Variants in PSD3 observed in about 807,000 individuals in gnomAD.
The protein encoded by PSD3 is pleckstrin and Sec7 domain containing 3, also known as PH and SEC7 domain-containing protein 3.
A neutral mutation model predicts 105.5 loss-of-function variants in PSD3; 49 were observed. The observed-to-expected ratio is 0.46, with a 90% confidence interval of 0.37 to 0.59. The LOEUF (loss-of-function observed/expected upper bound fraction) is 0.59. PSD3 is among the 20% of genes least tolerant of loss of function. The probability of loss-of-function intolerance (pLI) is 0.00; values close to 1 mark genes in which losing one functional copy is unlikely to be tolerated. For synonymous variants in PSD3, 557 were observed against 457.8 expected, an observed-to-expected ratio of 1.22 and a Z score of -2.77; for missense variants, 1,561 against 1,263.8, an observed-to-expected ratio of 1.24 and a Z score of -3.57.
At chr8:19,011,464 TAGAA>T (rs1826946072) in intron 1 of PSD3, among the ~76,000 whole-genome samples, 1 of 152,212 alleles carries the variant, frequency 6.6e-6, no homozygotes, top group African/African-American at 2.4e-5. Context: ...ATCAAGGTTT[TAGAA>T]AGAGGGCAGA....
intron 9 of PSD3, among the ~76,000 whole-genome samples, chr8:18,752,891 ATTGCTTTTG>A (rs1805727311): frequency 6.6e-6 from 1 of 151,240 alleles, no homozygotes; most frequent in Non-Finnish European, 1.5e-5. Flanking sequence ...TCAAGGAATA[ATTGCTTTTG>A]ATTGCTTTTA....
chr8:19,019,923 A>G (rs952712328), intron 1 of PSD3, among the ~76,000 whole-genome samples: 3 of 152,154 alleles, frequency 2.0e-5, no homozygotes, highest in Admixed American at 2.0e-4. Flanking sequence ...AGGAGGGAGT[A>G]TAGTAAGTGC....
At chr8:18,975,370 A>G (rs1448436656) in intron 1 of PSD3, among the ~76,000 whole-genome samples, 1 of 145,498 alleles carries the variant, frequency 6.9e-6, no homozygotes, top group African/African-American at 2.6e-5. Flanking sequence ...CAGCTAACTT[A>G]CTACTGATGT....
In PSD3 at chr8:18,640,396, G is replaced by C. The variant is rs931806757; in HGVS notation, c.2217-7590C>G. Among the ~76,000 whole-genome samples the C allele has an allele frequency of 6.6e-5, 10 of 152,254 alleles. No individual in the cohort carries two copies. In the East Asian group the frequency reaches 1.7e-3, roughly 26 times the overall value. On this transcript the variant is annotated intron_variant, in intron 10 of 15. Coordinates refer to ENST00000327040, the MANE Select transcript of PSD3 (RefSeq NM_015310.4). ...CACCCAAATTTCATCTTGAATTGTA[G>C]TTCCTGTAATCCCCATGTGTCATGG...
intron 2 of PSD3, among the ~76,000 whole-genome samples, chr8:18,922,943 C>T (rs1586434887): frequency 2.0e-5 from 3 of 152,190 alleles, no homozygotes; most frequent in Admixed American, 2.0e-4. Context: ...TTTCAGGGAG[C>T]TCTGCAAACC....
At chr8:18,947,387 A>G (rs1395085110) in intron 1 of PSD3, among the ~76,000 whole-genome samples, 2 of 152,212 alleles carry the variant, frequency 1.3e-5, no homozygotes, top group Non-Finnish European at 2.9e-5. Context: ...CACAAGACCA[A>G]TAACTGAATT....
rs569481799 is a variant in PSD3, at chr8:18,738,536, T to C, written c.2172+26913A>G. Among the ~76,000 whole-genome samples the C allele has an allele frequency of 6.6e-5, 10 of 152,312 alleles. No homozygotes were observed. The South Asian group carries it at 2.1e-3, about 32-fold the overall frequency. On this transcript the variant is annotated intron_variant, in intron 9 of 15. Transcript: ENST00000327040. ...AAATAGAATCCACACAGCAGCCATA[T>C]TATAAAAGGGATCTACCATACACAT...
intron 2 of PSD3, among the ~76,000 whole-genome samples, chr8:18,916,333 TATATATATATATATATAC>T (rs1254538137): frequency 6.5e-5 from 3 of 46,314 alleles, no homozygotes; most frequent in Non-Finnish European, 1.2e-4. Flanking sequence ...TATATATATA[TATATATATATATATATAC>T]ACACACACAC....
chr8:18,646,601 A>C (rs1169014908), intron 10 of PSD3, among the ~76,000 whole-genome samples: 1 of 152,288 alleles, frequency 6.6e-6, no homozygotes, highest in East Asian at 1.9e-4. Flanking sequence ...ACAACAAAAA[A>C]AATGAAAAAC....
chr8:18,752,123 G>T (rs1446846784), intron 9 of PSD3, among the ~76,000 whole-genome samples: 1 of 151,718 alleles, frequency 6.6e-6, no homozygotes, highest in Non-Finnish European at 1.5e-5. Context: ...AGGAGGCGGA[G>T]GTTGCAGTGA....
Position 18,938,131 on chromosome 8 carries a change from A to G in PSD3, c.22-1989T>C, listed in dbSNP as rs147697320. On this transcript the variant is annotated intron_variant, in intron 1 of 15. Transcript: ENST00000327040. ...CAGTGATTCATTTGCATTTTAAAAG[A>G]TTATTCATTTACACTTTTAAAAGAT... Among the ~76,000 whole-genome samples the G allele has an allele frequency of 3.9e-5, 6 of 152,316 alleles. No individual in the cohort carries two copies. In the East Asian group the frequency reaches 1.2e-3, roughly 29 times the overall value.
intron 9 of PSD3, among the ~76,000 whole-genome samples, chr8:18,682,258 C>T (rs4921608): frequency 0.71 from 108,530 of 152,160 alleles, 43,080 homozygotes; most frequent in Non-Finnish European, 0.9. Context: ...CCCATAGCCT[C>T]TGACTGCATA....
intron 1 of PSD3, among the ~76,000 whole-genome samples, chr8:18,942,901 C>T (rs1236607344): frequency 6.6e-6 from 1 of 152,204 alleles, no homozygotes; most frequent in East Asian, 1.9e-4. Context: ...TGACAGGTAA[C>T]AAGCCCCTGC....
intron 1 of PSD3, among the ~76,000 whole-genome samples, chr8:19,038,218 T>C (rs1828008806): frequency 6.6e-6 from 1 of 152,010 alleles, no homozygotes; most frequent in Admixed American, 6.5e-5. Flanking sequence ...AAGGCGACTT[T>C]AGAATACATG....
chr8:18,944,836 T>A (rs1419975356), intron 1 of PSD3, among the ~76,000 whole-genome samples: 1 of 152,178 alleles, frequency 6.6e-6, no homozygotes, highest in African/African-American at 2.4e-5. Context: ...GGCTTCTGTG[T>A]CTTTTGACCT....
In PSD3 at chr8:18,864,112, T is replaced by C. The variant is rs145571299; in HGVS notation, c.1634+3562A>G. Among the ~76,000 whole-genome samples the C allele has an allele frequency of 2.9e-3, 449 of 152,320 alleles. 1 individual carries two copies. Among genetic ancestry groups the C allele is most frequent in the African/African-American group, 0.01 (425 of 41,562 alleles). ...AAAGGATTTAAGTAAATCTAGGCAA[T>C]AGCAAAGCAAATACATTTTTGTTTT... On this transcript the variant is annotated intron_variant, in intron 4 of 15. Transcript: ENST00000327040.
At chr8:18,568,402 G>C (rs1801928120) in intron 14 of PSD3, among the ~76,000 whole-genome samples, 1 of 152,128 alleles carries the variant, frequency 6.6e-6, no homozygotes, top group Non-Finnish European at 1.5e-5. Context: ...GCAGGAATTG[G>C]AGACAGAAAG....
At chr8:18,859,430 T>C (rs1816268582) in intron 4 of PSD3, among the ~76,000 whole-genome samples, 1 of 152,204 alleles carries the variant, frequency 6.6e-6, no homozygotes, top group African/African-American at 2.4e-5. Context: ...TTAGTGTCAC[T>C]AGCTGCATTA....
chr8:18,916,304 ATATATATATATATATATATAT>A, intron 2 of PSD3, among the ~76,000 whole-genome samples: 1 of 1,228 alleles, frequency 8.1e-4, no homozygotes, highest in African/African-American at 6.6e-3. Flanking sequence ...AGTGATATAT[ATATATATATATATATATATAT>A]ATATATATAT....
Sources: allele counts gnomAD v4.1 joint callset (sites outside exome capture counted in the v4.1 genomes callset), GRCh38; gene constraint gnomAD v4.1.1; transcripts MANE v1.5; gene names NCBI Gene and HGNC (gene_info 2026-07-23, HGNC 2026-07-21).